SPATA16: variants seen among roughly 807,000 people sequenced by gnomAD.
The protein encoded by SPATA16 is spermatogenesis-associated protein 16.
SPATA16 carries 36 observed loss-of-function variants against 63.3 expected under a neutral mutation model. That is an observed-to-expected ratio of 0.57 (90% CI 0.44 to 0.75). SPATA16 has a LOEUF of 0.75. Among genes scored for constraint, SPATA16 ranks in the 30% least tolerant of loss-of-function variants. The pLI is 0.00. For synonymous variants in SPATA16, 203 were observed against 216.7 expected (o/e 0.94, Z 0.56); for missense variants, 646 against 679.3 (o/e 0.95, Z 0.54).
intron 2 of SPATA16, among the ~76,000 whole-genome samples, chr3:173,078,084 G>A (rs1736846533): frequency 6.6e-6 from 1 of 152,044 alleles, no homozygotes; most frequent in East Asian, 1.9e-4. Flanking sequence ...ATTGTGCTAA[G>A]CCCTTTACTT....
At chr3:172,927,066 G>GT (rs948666490) in intron 6 of SPATA16, among the ~76,000 whole-genome samples, 14 of 152,020 alleles carry the variant, frequency 9.2e-5, no homozygotes, top group East Asian at 3.9e-4. Flanking sequence ...CACCACGAGT[G>GT]TTTTTTTTAA....
chr3:172,956,976 A>G, intron 5 of SPATA16, 152 bp from the exon 6 acceptor site: 1 of 896,746 alleles, frequency 1.1e-6, no homozygotes, highest in Non-Finnish European at 1.7e-6. Flanking sequence ...CATTAGAACA[A>G]AATTTTAATT....
chr3:173,074,992 C>CAAAAA (rs35683679), intron 2 of SPATA16, among the ~76,000 whole-genome samples: 2 of 66,824 alleles, frequency 3.0e-5, no homozygotes, highest in African/African-American at 8.6e-5. Flanking sequence ...GACTCTATCT[C>CAAAAA]AAAAAAAAAA....
chr3:173,066,477 G>T (rs1560112093), intron 2 of SPATA16, among the ~76,000 whole-genome samples: 1 of 152,122 alleles, frequency 6.6e-6, no homozygotes, highest in Non-Finnish European at 1.5e-5. Context: ...ACTCCTGACT[G>T]GGGGAAAGAG....
intron 5 of SPATA16, among the ~76,000 whole-genome samples, chr3:172,970,611 G>A (rs948355918): frequency 1.3e-5 from 2 of 152,128 alleles, no homozygotes; most frequent in African/African-American, 4.8e-5. Context: ...ATACTATAGA[G>A]CCTGGGCTGC....
chr3:173,100,334 T>C (rs2108325068), intron 2 of SPATA16, among the ~76,000 whole-genome samples: 1 of 152,328 alleles, frequency 6.6e-6, no homozygotes, highest in South Asian at 2.1e-4. Flanking sequence ...GTATTAGGGC[T>C]GAGCTACTTT....
chr3:173,046,175 CCTT>C lies in SPATA16; in HGVS notation c.758+2771_758+2773del, dbSNP rs1301514643. The stretch of plus-strand genomic sequence containing the variant: ...ATCGGTCTTTAGAAATGTTCAAAAA[CCTT>C]CTGATAAACAGTGGCACTGGTTTGA... On this transcript the variant is annotated intron_variant, in intron 3 of 10. Coordinates refer to ENST00000351008, the MANE Select transcript of SPATA16 (RefSeq NM_031955.6). Among the ~76,000 whole-genome samples, 4 of 152,070 alleles carry C rather than the reference CCTT, an allele frequency of 2.6e-5. No homozygotes were observed. The South Asian group carries it at 6.2e-4, about 24-fold the overall frequency.
intron 3 of SPATA16, among the ~76,000 whole-genome samples, chr3:173,039,028 C>T (rs868551138): frequency 6.6e-6 from 1 of 152,156 alleles, no homozygotes; most frequent in South Asian, 2.1e-4. Context: ...GTTTGTTTCC[C>T]TACAGTACAA....
chr3:173,090,185 A>G (rs1056863925), intron 2 of SPATA16, among the ~76,000 whole-genome samples: 1 of 152,152 alleles, frequency 6.6e-6, no homozygotes, highest in Non-Finnish European at 1.5e-5. Flanking sequence ...GTTTAGCACC[A>G]TTCCTCTTGG....
chr3:172,908,791 A>G (rs142105816), intron 10 of SPATA16, among the ~76,000 whole-genome samples: 165 of 152,140 alleles, frequency 1.1e-3, no homozygotes, highest in African/African-American at 3.7e-3. Context: ...TGATGCTGAT[A>G]TCAACTTCTA....
chr3:173,073,749 G>A (rs2108308713), intron 2 of SPATA16, among the ~76,000 whole-genome samples: 1 of 152,338 alleles, frequency 6.6e-6, no homozygotes. Context: ...AGTCCCCACT[G>A]GGGCACCACC....
chr3:172,912,078 C>T (rs148802746), intron 10 of SPATA16, among the ~76,000 whole-genome samples: 2,937 of 152,300 alleles, frequency 0.019, 30 homozygotes, highest in Middle Eastern at 0.058. Flanking sequence ...TCTGTACGTT[C>T]TGGTTAGTTT....
chr3:172,930,194 G>C (rs1265564410), intron 6 of SPATA16, among the ~76,000 whole-genome samples: 1 of 152,198 alleles, frequency 6.6e-6, no homozygotes, highest in Non-Finnish European at 1.5e-5. Context: ...ACCACTCGAT[G>C]AATATTTTTG....
chr3:173,005,255 C>T (rs1383477381), intron 4 of SPATA16, among the ~76,000 whole-genome samples: 3 of 143,980 alleles, frequency 2.1e-5, no homozygotes, highest in Admixed American at 1.5e-4. Flanking sequence ...ACCTGGGAGG[C>T]GAAGGTTGCA....
intron 10 of SPATA16, among the ~76,000 whole-genome samples, chr3:172,890,003 A>G (rs1255993567): frequency 1.3e-5 from 2 of 152,326 alleles, no homozygotes; most frequent in East Asian, 3.9e-4. Context: ...GGGATTTCAA[A>G]GGAAAGTGAA....
At chr3:173,058,212 A>T (rs752696561) in intron 2 of SPATA16, among the ~76,000 whole-genome samples, 38 of 152,098 alleles carry the variant, frequency 2.5e-4, no homozygotes, top group Non-Finnish European at 5.1e-4. Context: ...TTTCATGTTA[A>T]TAAATATATA....
intron 4 of SPATA16, among the ~76,000 whole-genome samples, chr3:173,011,932 G>C (rs1039233813): frequency 1.3e-5 from 2 of 152,038 alleles, no homozygotes; most frequent in Non-Finnish European, 2.9e-5. Context: ...TCCTGCCTTA[G>C]CCTACTGAGT....
chr3:172,943,910 C>T (rs1733220744), intron 6 of SPATA16, among the ~76,000 whole-genome samples: 1 of 152,020 alleles, frequency 6.6e-6, no homozygotes, highest in African/African-American at 2.4e-5. Flanking sequence ...CACAAACATG[C>T]AAATTGTAAG....
chr3:173,111,086 T>G (rs2108331847), intron 2 of SPATA16, among the ~76,000 whole-genome samples: 1 of 152,338 alleles, frequency 6.6e-6, no homozygotes, highest in South Asian at 2.1e-4. Flanking sequence ...GAATTCCATC[T>G]CAGCCCTGCC....
Sources: gnomAD v4.1 joint callset for allele counts (sites outside exome capture counted in the v4.1 genomes callset) on GRCh38, gnomAD v4.1.1 for gene constraint, MANE v1.5 for transcripts, NCBI Gene and HGNC (gene_info 2026-07-23, HGNC 2026-07-21) for gene names.